The following SHPRH variants were observed in gnomAD, a reference collection of about 807,000 sequenced individuals.
SHPRH encodes the protein E3 ubiquitin-protein ligase SHPRH.
Under a neutral mutation model 202.5 loss-of-function variants are expected in SHPRH, and 106 were observed. That is an observed-to-expected ratio of 0.52 (90% CI 0.45 to 0.62). SHPRH has a LOEUF of 0.62. SHPRH is among the 20% of genes least tolerant of loss of function. The pLI, the probability that SHPRH is intolerant of heterozygous loss-of-function variation, is 0.00. For synonymous variants in SHPRH, 729 were observed against 686.0 expected (o/e 1.06, Z -0.98); for missense variants, 1,710 against 2,020.0 (o/e 0.85, Z 2.94).
Position 145,888,106 on chromosome 6 carries a change from A to G in SHPRH, c.4875-6T>C. ...ATCTGTGTACAATAGTAGGTCTAAA[A>G]GGTACAGAAGAATTTTAAGCTTAAA... On this transcript the variant is annotated splice_polypyrimidine_tract_variant and splice_region_variant and intron_variant, in intron 28 of 29. Coordinates refer to ENST00000275233, the MANE Select transcript of SHPRH (RefSeq NM_001042683.3). 6.3e-7 allele frequency: 1 copy of G among 1,588,770 alleles called. No individual in the cohort carries two copies. The highest frequency in any genetic ancestry group is 8.6e-7 in the Non-Finnish European group (1 of 1,160,348).
At chr6:145,908,875 G>C (rs772559143) in intron 25 of SHPRH, 1 of 152,010 alleles carries the variant, frequency 6.6e-6, no homozygotes, top group African/African-American at 2.4e-5. Flanking sequence ...GGATTTTTAG[G>C]GTTTTGGGTT....
rs1348440459 is a variant in SHPRH, at chr6:145,910,622, G to C, written c.4341C>G (p.Thr1447=). Residue 1447 remains threonine (T), a synonymous_variant, in exon 25 of 30, where the codon ACC becomes ACG. Coordinates refer to ENST00000275233, the MANE Select transcript of SHPRH (RefSeq NM_001042683.3). ...ATTCATTACAGAAACAGTGACCACA[G>C]GTCAGTACCGCCCACTAAAAAGAAA... The part of the protein sequence containing the change: ...RQLGKQWAVL[T]CGHCFCNECI... The C allele has an allele frequency of 1.2e-6, 2 of 1,611,870 alleles. No individual in the cohort carries two copies. The highest frequency in any genetic ancestry group is 3.3e-5 in the Admixed American group (2 of 59,884).
At chr6:145,960,332 A>C (rs1163776813) in intron 1 of SHPRH, among the ~76,000 whole-genome samples, 1 of 152,214 alleles carries the variant, frequency 6.6e-6, no homozygotes, top group African/African-American at 2.4e-5. Flanking sequence ...CAAGTGGTGA[A>C]GAAATATACT....
At chr6:145,866,438 A>C (rs1244267453) in intron 2 of SHPRH, among the ~76,000 whole-genome samples, 4 of 152,208 alleles carry the variant, frequency 2.6e-5, no homozygotes, top group Non-Finnish European at 5.9e-5. Flanking sequence ...ACTGGATTGA[A>C]ATGATCATTA....
At chr6:145,951,992 C>A in intron 3 of SHPRH, 1 of 434,370 alleles carries the variant, frequency 2.3e-6, no homozygotes, top group Non-Finnish European at 4.7e-6. Flanking sequence ...ATTTGTCAGA[C>A]TGCAAAGGAG....
Position 145,943,737 on chromosome 6 carries a change from A to T in SHPRH, c.1644T>A (p.Ser548=). 6.2e-7 allele frequency: 1 copy of T among 1,611,906 alleles called. No individual in the cohort carries two copies. The highest frequency in any genetic ancestry group is 8.5e-7 in the Non-Finnish European group (1 of 1,179,492). ...TRKSGNKDTD[S]EYLPSDTSDD... is the part of the protein sequence containing the mutation. ...CAGAGGTGTCTGATGGCAAGTATTCAGAATCTGTGTCCTTGTTCCCTGATT... is the reference window on the plus strand; with the variant it reads ...CAGAGGTGTCTGATGGCAAGTATTCTGAATCTGTGTCCTTGTTCCCTGATT... Residue 548 remains serine (S), a synonymous_variant, in exon 9 of 30, where the codon TCT becomes TCA. Coordinates refer to ENST00000275233, the MANE Select transcript of SHPRH (RefSeq NM_001042683.3).
intron 8 of SHPRH, among the ~76,000 whole-genome samples, chr6:145,944,985 A>C (rs966876716): frequency 6.6e-6 from 1 of 152,152 alleles, no homozygotes; most frequent in African/African-American, 2.4e-5. Flanking sequence ...AGCTTGGCAC[A>C]GGAGTTCAAG....
rs1781814119 is a variant in SHPRH at position 145,894,277 on chromosome 6, T to C, written c.4609-41A>G. 2.8e-6 allele frequency: 4 copies of C among 1,449,538 alleles called. No homozygotes were observed. In the East Asian group the frequency reaches 9.5e-5, roughly 34 times the overall value. The allele number at this position is 1,449,538 out of a possible 1,614,324, so 89.8% of individuals were successfully genotyped here. A position where few individuals can be genotyped will look rare whatever the true frequency, so the allele number is the denominator to read the frequency against. On this transcript the variant is annotated intron_variant, in intron 26 of 29. Coordinates refer to ENST00000275233, the MANE Select transcript of SHPRH (RefSeq NM_001042683.3). The stretch of plus-strand genomic sequence containing the variant: ...CAATAAGAAAACCAATATTTACACG[T>C]AGCCTTTATCTAAGGGTATCTGAAA...
At position 145,884,826 on chromosome 6, in the gene SHPRH, A is replaced by T. The variant is rs982329708; in HGVS notation, c.*1865T>A. On this transcript the variant is annotated 3_prime_UTR_variant, in exon 30 of 30. Transcript: ENST00000275233. ...CCACAATTTTCATTTCCACTAAAATATTTATTTAATGGATATCTTACAGAA... is the reference window on the plus strand; with the variant it reads ...CCACAATTTTCATTTCCACTAAAATTTTTATTTAATGGATATCTTACAGAA... 1.1e-4 allele frequency: 17 copies of T among 152,144 alleles called. No homozygotes were observed. The highest frequency in any genetic ancestry group is 2.9e-5 in the Non-Finnish European group (2 of 68,010). The allele number at this position is 152,144 out of a possible 1,614,324, so 9.4% of individuals were successfully genotyped here. A position where few individuals can be genotyped will look rare whatever the true frequency, so the allele number is the denominator to read the frequency against.
At chr6:145,938,033 A>C (rs1267191754) in intron 11 of SHPRH, among the ~76,000 whole-genome samples, 1 of 152,226 alleles carries the variant, frequency 6.6e-6, no homozygotes, top group Non-Finnish European at 1.5e-5. Flanking sequence ...TGTAAGCTCA[A>C]TAGATAAGGG....
chr6:145,895,868 G>A (rs1037004699), intron 25 of SHPRH, among the ~76,000 whole-genome samples: 1 of 151,992 alleles, frequency 6.6e-6, no homozygotes, highest in Non-Finnish European at 1.5e-5. Flanking sequence ...GATTGAATGA[G>A]AAAATGTATA....
chr6:145,957,795 T>A (rs965526065), intron 1 of SHPRH, among the ~76,000 whole-genome samples: 1 of 152,180 alleles, frequency 6.6e-6, no homozygotes, highest in African/African-American at 2.4e-5. Context: ...TGAATATAAC[T>A]TACTATGCAG....
chr6:145,858,503 A>C, the SHPRH span, among the ~76,000 whole-genome samples: 1 of 152,114 alleles, frequency 6.6e-6, no homozygotes, highest in Non-Finnish European at 1.5e-5. Flanking sequence ...GACTTCTAGA[A>C]AATGTAAAAT....
At chr6:145,888,152 T>C in intron 28 of SHPRH, 52 bp from the exon 29 acceptor site, 1 of 1,352,174 alleles carries the variant, frequency 7.4e-7, no homozygotes. Flanking sequence ...AACAAATCAG[T>C]ACAAACCGAC....
At chr6:145,901,378 A>T (rs1782493509) in intron 25 of SHPRH, among the ~76,000 whole-genome samples, 1 of 152,120 alleles carries the variant, frequency 6.6e-6, no homozygotes, top group African/African-American at 2.4e-5. Flanking sequence ...TTCTGAGAAG[A>T]CTATTCAATG....
At chr6:145,893,147 G>C in intron 28 of SHPRH, 68 bp downstream of exon 28, 1 of 1,399,476 alleles carries the variant, frequency 7.1e-7, no homozygotes, top group Non-Finnish European at 9.4e-7. Context: ...TAAATGAAGA[G>C]TTTAAATACT....
chr6:145,863,640 T>G (rs982620551), downstream of SHPRH, among the ~76,000 whole-genome samples: 1 of 151,832 alleles, frequency 6.6e-6, no homozygotes, highest in Non-Finnish European at 1.5e-5. Flanking sequence ...TAGGGGAGAG[T>G]GTCTGAGATG....
chr6:145,893,768 CA>C (rs1424933414), intron 27 of SHPRH, among the ~76,000 whole-genome samples: 2 of 152,052 alleles, frequency 1.3e-5, no homozygotes, highest in Non-Finnish European at 2.9e-5. Context: ...TGCCTGAGGT[CA>C]TACGCCTGTC....
At chr6:145,923,541 AG>A in intron 18 of SHPRH, 101 bp downstream of exon 18, 1 of 1,421,802 alleles carries the variant, frequency 7.0e-7, no homozygotes, top group Non-Finnish European at 9.5e-7. Flanking sequence ...TTATGAATGG[AG>A]AAAAAAAGCC....
Sources: gnomAD v4.1 joint callset for allele counts (sites outside exome capture counted in the v4.1 genomes callset) on GRCh38, gnomAD v4.1.1 for gene constraint, MANE v1.5 for transcripts, NCBI Gene and HGNC (gene_info 2026-07-23, HGNC 2026-07-21) for gene names.